LRRFIP1: variants seen among roughly 807,000 people sequenced by gnomAD.
LRRFIP1 encodes the protein LRR binding FLII interacting protein 1, also known as leucine-rich repeat flightless-interacting protein 1.
In LRRFIP1, 62 loss-of-function variants were observed where a neutral mutation model predicts 104.4. That is an observed-to-expected ratio of 0.59 (90% CI 0.48 to 0.73). The LOEUF (loss-of-function observed/expected upper bound fraction) is 0.73. LRRFIP1 is among the 30% of genes least tolerant of loss of function. The pLI, the probability that LRRFIP1 is intolerant of heterozygous loss-of-function variation, is 0.00. For missense variants in LRRFIP1, 796 were observed against 824.5 expected, an observed-to-expected ratio of 0.97 and a Z score of 0.42; for synonymous variants, 300 against 299.0, an observed-to-expected ratio of 1.00 and a Z score of -0.03.
At chr2:237,769,685 G>C in intron 19 of LRRFIP1, 1 of 465,344 alleles carries the variant, frequency 2.1e-6, no homozygotes, top group Non-Finnish European at 3.9e-6. Flanking sequence ...GCTAACCTAA[G>C]GTAGAAGATT....
rs1244999978 is a variant in LRRFIP1 at position 237,748,292 on chromosome 2, C to T, written c.634-72C>T. 4 of 1,092,976 alleles carry T rather than the reference C, an allele frequency of 3.7e-6. No individual in the cohort carries two copies. In the East Asian group the frequency reaches 9.4e-5, roughly 26 times the overall value. 67.7% of individuals were successfully genotyped at this position (1,092,976 alleles called of 1,614,324 possible). A position where few individuals can be genotyped will look rare whatever the true frequency, so the allele number is the denominator to read the frequency against. ...GTTTTGTTTTGTTTTGTTTATCATT[C>T]ATAGCCCCATCTTCATGTTATCCAT... On this transcript the variant is annotated intron_variant, in intron 11 of 23. Coordinates refer to ENST00000308482, the MANE Select transcript of LRRFIP1 (RefSeq NM_001137550.2).
In LRRFIP1 at chr2:237,779,454, C is replaced by G; in HGVS notation, c.1845C>G (p.Leu615=). ...CTGCATTGGATAAAACAGAAGAGCTCGAGGTGAGCAACGGCCACTTAGTGA... is the reference window on the plus strand; with the variant it reads ...CTGCATTGGATAAAACAGAAGAGCTGGAGGTGAGCAACGGCCACTTAGTGA... ...LRSALDKTEE[L]EVSNGHLVKR... The change falls in exon 24 of 24, where the codon CTC becomes CTG. Residue 615 remains leucine, a synonymous_variant. Transcript: ENST00000308482. The G allele has an allele frequency of 6.2e-7, 1 of 1,613,730 alleles. No homozygotes were observed. Among genetic ancestry groups the G allele is most frequent in the South Asian group, 1.1e-5 (1 of 91,050 alleles).
chr2:237,667,945 C>T (rs915098660), intron 1 of LRRFIP1, among the ~76,000 whole-genome samples: 3 of 152,060 alleles, frequency 2.0e-5, no homozygotes, highest in African/African-American at 7.2e-5. Context: ...TACAGTACAC[C>T]CTTTAGCAGC....
chr2:237,702,572 G>C (rs1349649394), intron 1 of LRRFIP1, among the ~76,000 whole-genome samples: 1 of 152,212 alleles, frequency 6.6e-6, no homozygotes, highest in East Asian at 1.9e-4. Flanking sequence ...CACGGTGGGG[G>C]CAGCGCTGCA....
At chr2:237,771,704 G>A (rs1386721284) in intron 20 of LRRFIP1, among the ~76,000 whole-genome samples, 1 of 152,120 alleles carries the variant, frequency 6.6e-6, no homozygotes, top group Non-Finnish European at 1.5e-5. Context: ...GAAAGCACTC[G>A]ACTTTTGGGG....
At chr2:237,683,006 C>T (rs1016559510) in intron 1 of LRRFIP1, among the ~76,000 whole-genome samples, 59 of 152,344 alleles carry the variant, frequency 3.9e-4, no homozygotes, top group African/African-American at 1.4e-3. Flanking sequence ...GTTGTAACAG[C>T]TGGGGTGGAG....
At chr2:237,673,330 C>T (rs527553541) in intron 1 of LRRFIP1, among the ~76,000 whole-genome samples, 12 of 152,294 alleles carry the variant, frequency 7.9e-5, no homozygotes, top group African/African-American at 2.9e-4. Context: ...CAGGGCCTCG[C>T]CAGGAAGCCA....
At chr2:237,754,101 G>A (rs2058982581) in intron 15 of LRRFIP1, among the ~76,000 whole-genome samples, 1 of 152,048 alleles carries the variant, frequency 6.6e-6, no homozygotes. Flanking sequence ...ACCTATGAAA[G>A]AGCCACCATG....
intron 19 of LRRFIP1, chr2:237,764,130 C>T: frequency 6.2e-7 from 1 of 1,614,136 alleles, no homozygotes; most frequent in Non-Finnish European, 8.5e-7. Context: ...GAAGACTGTA[C>T]CATGTCCTAA....
At chr2:237,696,709 A>T (rs2093208076) in intron 1 of LRRFIP1, among the ~76,000 whole-genome samples, 2 of 152,234 alleles carry the variant, frequency 1.3e-5, no homozygotes, top group South Asian at 4.1e-4. Context: ...GCTGACTCGG[A>T]ACTGGTACTG....
At chr2:237,727,600 A>T (rs2150277476) in intron 7 of LRRFIP1, among the ~76,000 whole-genome samples, 1 of 152,312 alleles carries the variant, frequency 6.6e-6, no homozygotes, top group Non-Finnish European at 1.5e-5. Context: ...CACCCCGTGG[A>T]GGGACTTGGT....
chr2:237,663,397 T>A (rs2088450356), intron 1 of LRRFIP1, among the ~76,000 whole-genome samples: 1 of 142,688 alleles, frequency 7.0e-6, no homozygotes, highest in Non-Finnish European at 1.5e-5. Flanking sequence ...ATGAGATTAG[T>A]GCCCTTATAA....
chr2:237,767,522 T>A (rs918603774), intron 19 of LRRFIP1, among the ~76,000 whole-genome samples: 1 of 152,218 alleles, frequency 6.6e-6, no homozygotes, highest in Non-Finnish European at 1.5e-5. Context: ...TAGAGGAAGA[T>A]GGATTTTTAC....
intron 11 of LRRFIP1, among the ~76,000 whole-genome samples, chr2:237,740,427 CA>C (rs995357349): frequency 3.3e-5 from 5 of 151,656 alleles, no homozygotes; most frequent in Non-Finnish European, 7.4e-5. Context: ...AAAACAAAAA[CA>C]AAAACAAAAA....
chr2:237,773,547 AAAAT>A (rs559222486), intron 22 of LRRFIP1, among the ~76,000 whole-genome samples: 1 of 152,134 alleles, frequency 6.6e-6, no homozygotes, highest in Non-Finnish European at 1.5e-5. Flanking sequence ...AAAATAAAAT[AAAAT>A]AAATAAATAA....
chr2:237,689,102 G>A (rs1398416571), intron 1 of LRRFIP1, among the ~76,000 whole-genome samples: 2 of 151,816 alleles, frequency 1.3e-5, no homozygotes, highest in East Asian at 1.9e-4. Flanking sequence ...TCAGAAGGGG[G>A]CTTCAAGAAG....
intron 1 of LRRFIP1, among the ~76,000 whole-genome samples, chr2:237,636,499 C>A (rs958970471): frequency 3.3e-5 from 5 of 151,950 alleles, no homozygotes; most frequent in African/African-American, 1.2e-4. Context: ...TTTCTTGACT[C>A]ACTAATGCAG....
At chr2:237,668,530 C>T (rs2089858739) in intron 1 of LRRFIP1, among the ~76,000 whole-genome samples, 1 of 152,118 alleles carries the variant, frequency 6.6e-6, no homozygotes, top group Non-Finnish European at 1.5e-5. Context: ...CCTCTTAGCC[C>T]CCTCCTTCCT....
intron 23 of LRRFIP1, among the ~76,000 whole-genome samples, chr2:237,775,097 G>A (rs1051557258): frequency 1.3e-5 from 2 of 152,236 alleles, no homozygotes; most frequent in Non-Finnish European, 2.9e-5. Flanking sequence ...AGGAGTCTCC[G>A]CCTCCATAGA....
Sources: allele counts gnomAD v4.1 joint callset (sites outside exome capture counted in the v4.1 genomes callset), GRCh38; gene constraint gnomAD v4.1.1; transcripts MANE v1.5; gene names NCBI Gene and HGNC (gene_info 2026-07-23, HGNC 2026-07-21).